The following EXT1 variants were observed in gnomAD, a reference collection of about 807,000 sequenced individuals.
The protein encoded by EXT1 is exostosin glycosyltransferase 1.
In EXT1, 20 loss-of-function variants were observed where a neutral mutation model predicts 82.5. The ratio of observed to expected loss-of-function variants is 0.24; its 90% CI spans 0.17 to 0.35. The LOEUF is 0.35. Among genes scored for constraint, EXT1 ranks in the 10% least tolerant of loss-of-function variants. EXT1 has a pLI of 1.00. For missense variants in EXT1, 757 were observed against 936.5 expected (o/e 0.81, Z 2.50); for synonymous variants, 348 against 350.8 (o/e 0.99, Z 0.09).
chr8:118,103,461 C>G (rs558004919), intron 1 of EXT1, among the ~76,000 whole-genome samples: 1 of 152,154 alleles, frequency 6.6e-6, no homozygotes, highest in East Asian at 1.9e-4. Context: ...CTGTGTATAA[C>G]GCTTATAATT....
intron 1 of EXT1, among the ~76,000 whole-genome samples, chr8:118,065,513 CTTCT>C (rs1816970075): frequency 6.6e-6 from 1 of 152,272 alleles, no homozygotes; most frequent in Middle Eastern, 3.4e-3. Flanking sequence ...TGTCAATTTT[CTTCT>C]TTTTCGTCTG....
intron 1 of EXT1, among the ~76,000 whole-genome samples, chr8:118,087,939 CAAAAAAAA>C (rs10706033): frequency 3.9e-4 from 33 of 83,924 alleles, no homozygotes; most frequent in Non-Finnish European, 2.2e-4. Context: ...CGTTTCAGGG[CAAAAAAAA>C]AAAAAAAAAA....
chr8:117,844,239 A>G (rs965867861), intron 1 of EXT1, among the ~76,000 whole-genome samples: 4 of 151,512 alleles, frequency 2.6e-5, no homozygotes, highest in African/African-American at 9.7e-5. Context: ...TGCAGCCCCG[A>G]CCTCCTGGGC....
At chr8:117,875,386 A>G (rs886874465) in intron 1 of EXT1, among the ~76,000 whole-genome samples, 1 of 151,890 alleles carries the variant, frequency 6.6e-6, no homozygotes, top group Non-Finnish European at 1.5e-5. Context: ...GTGCCACTGC[A>G]CTCCAGCCTG....
intron 1 of EXT1, among the ~76,000 whole-genome samples, chr8:117,953,307 C>T (rs1050685010): frequency 6.6e-5 from 10 of 152,142 alleles, no homozygotes; most frequent in South Asian, 2.1e-4. Flanking sequence ...CTGCCATTCA[C>T]TGAATAAAAC....
At chr8:117,809,153 GTGTATGTA>G (rs956156843) in intron 8 of EXT1, among the ~76,000 whole-genome samples, 3 of 147,602 alleles carry the variant, frequency 2.0e-5, no homozygotes, top group African/African-American at 5.0e-5. Context: ...CTCTCTCTCA[GTGTATGTA>G]TGTATGTATG....
At chr8:117,988,923 T>G (rs17476226) in intron 1 of EXT1, among the ~76,000 whole-genome samples, 2,929 of 151,746 alleles carry the variant, frequency 0.019, 38 homozygotes, top group Middle Eastern at 0.031. Context: ...ACTACTTAAA[T>G]AACAACTAAA....
At chr8:118,020,485 A>G (rs554282279) in intron 1 of EXT1, among the ~76,000 whole-genome samples, 1 of 152,354 alleles carries the variant, frequency 6.6e-6, no homozygotes, top group African/African-American at 2.4e-5. Flanking sequence ...CTATAAATCA[A>G]TGTTTAGTGC....
At chr8:118,051,829 T>C (rs974795281) in intron 1 of EXT1, among the ~76,000 whole-genome samples, 1 of 152,238 alleles carries the variant, frequency 6.6e-6, no homozygotes, top group Non-Finnish European at 1.5e-5. Context: ...TCTGGCTTTA[T>C]TTCCCCACCT....
intron 1 of EXT1, among the ~76,000 whole-genome samples, chr8:117,972,159 AAAAG>A (rs1391728897): frequency 4.6e-5 from 7 of 151,888 alleles, no homozygotes; most frequent in Non-Finnish European, 8.8e-5. Context: ...AAAAAAAAAA[AAAAG>A]AAAGAAAGAA....
At chr8:117,826,813 AAATAAT>A (rs940058398) in intron 4 of EXT1, among the ~76,000 whole-genome samples, 2 of 152,202 alleles carry the variant, frequency 1.3e-5, no homozygotes, top group African/African-American at 4.8e-5. Flanking sequence ...TGCTAAAAAA[AAATAAT>A]AATAATACAT....
chr8:118,005,308 A>T (rs17476324), intron 1 of EXT1, among the ~76,000 whole-genome samples: 4,766 of 152,286 alleles, frequency 0.031, 275 homozygotes, highest in African/African-American at 0.11. Context: ...GGGTACACAT[A>T]TACAACTTCC....
intron 1 of EXT1, among the ~76,000 whole-genome samples, chr8:117,880,261 C>A (rs969736916): frequency 7.9e-5 from 12 of 152,216 alleles, no homozygotes; most frequent in African/African-American, 2.9e-4. Context: ...ACCAAATCAA[C>A]AAATGGTCAA....
chr8:118,042,020 C>A (rs560525368), intron 1 of EXT1, among the ~76,000 whole-genome samples: 2 of 152,090 alleles, frequency 1.3e-5, no homozygotes, highest in Admixed American at 6.5e-5. Context: ...CACTAAGCCC[C>A]GGGTTGGATG....
At chr8:117,888,403 G>C (rs1015433746) in intron 1 of EXT1, among the ~76,000 whole-genome samples, 1 of 152,070 alleles carries the variant, frequency 6.6e-6, no homozygotes, top group Non-Finnish European at 1.5e-5. Flanking sequence ...CTTCAAAATT[G>C]GTTGCTTAAC....
chr8:118,099,562 G>T (rs751697390), intron 1 of EXT1, among the ~76,000 whole-genome samples: 1 of 152,178 alleles, frequency 6.6e-6, no homozygotes, highest in Non-Finnish European at 1.5e-5. Flanking sequence ...AAAGCAGTAC[G>T]GTGCTGTGGT....
intron 1 of EXT1, among the ~76,000 whole-genome samples, chr8:117,985,075 G>A (rs936009552): frequency 1.1e-4 from 17 of 152,106 alleles, no homozygotes; most frequent in African/African-American, 3.9e-4. Flanking sequence ...CCACCTGCCT[G>A]GCTCCCCAAG....
intron 1 of EXT1, among the ~76,000 whole-genome samples, chr8:117,867,122 G>C (rs1453936274): frequency 6.6e-6 from 1 of 152,058 alleles, no homozygotes; most frequent in East Asian, 1.9e-4. Flanking sequence ...CGCTGGACAT[G>C]ATGGTGCGTG....
chr8:118,107,095 T>C (rs1817814320), intron 1 of EXT1, among the ~76,000 whole-genome samples: 1 of 152,230 alleles, frequency 6.6e-6, no homozygotes, highest in African/African-American at 2.4e-5. Context: ...AAATTCTTTA[T>C]CGACACATAA....
Sources: allele counts gnomAD v4.1 joint callset (sites outside exome capture counted in the v4.1 genomes callset), GRCh38; gene constraint gnomAD v4.1.1; transcripts MANE v1.5; gene names NCBI Gene and HGNC (gene_info 2026-07-23, HGNC 2026-07-21).